The following RALGAPA1 variants were observed in gnomAD, a reference collection of about 807,000 sequenced individuals.
The protein encoded by RALGAPA1 is ral GTPase-activating protein subunit alpha-1.
RALGAPA1 carries 52 observed loss-of-function variants against 269.6 expected under a neutral mutation model. The observed-to-expected ratio is 0.19, with a 90% CI of 0.15 to 0.24. The LOEUF (loss-of-function observed/expected upper bound fraction) is 0.24, where lower values mean the gene tolerates loss of function less well. Among genes scored for constraint, RALGAPA1 ranks in the 10% least tolerant of loss-of-function variants. The pLI is 1.00. For missense variants in RALGAPA1, 1,917 were observed against 3,013.9 expected (o/e 0.64, Z 8.52); for synonymous variants, 817 against 1,008.3 (o/e 0.81, Z 3.60).
chr14:35,681,625 T>G (rs920561730), intron 21 of RALGAPA1, among the ~76,000 whole-genome samples: 1 of 152,236 alleles, frequency 6.6e-6, no homozygotes, highest in Admixed American at 6.5e-5. Context: ...TTTGATAGTA[T>G]TAAAATTTGT....
chr14:35,621,461 T>A (rs879492651), intron 35 of RALGAPA1, among the ~76,000 whole-genome samples: 1 of 152,102 alleles, frequency 6.6e-6, no homozygotes, highest in Non-Finnish European at 1.5e-5. Flanking sequence ...GCGCGAGGAC[T>A]TCATGACTAA....
chr14:35,666,216 A>C (rs758898245), intron 26 of RALGAPA1, among the ~76,000 whole-genome samples: 1 of 152,066 alleles, frequency 6.6e-6, no homozygotes, highest in Admixed American at 6.5e-5. Flanking sequence ...ATAAACAACA[A>C]GGGTCATCTA....
At chr14:35,626,944 A>T in intron 34 of RALGAPA1, 146 bp downstream of exon 34, 1 of 659,040 alleles carries the variant, frequency 1.5e-6, no homozygotes, top group Non-Finnish European at 2.3e-6. Context: ...CAGTGGTCTC[A>T]AAAAAAAATC....
At chr14:35,569,634 A>G (rs1470258888) in intron 39 of RALGAPA1, among the ~76,000 whole-genome samples, 3 of 152,008 alleles carry the variant, frequency 2.0e-5, no homozygotes, top group Non-Finnish European at 4.4e-5. Flanking sequence ...TCATACCTCC[A>G]TGTCTCTGAT....
At chr14:35,558,040 C>A (rs181881604) in intron 39 of RALGAPA1, among the ~76,000 whole-genome samples, 290 of 151,926 alleles carry the variant, frequency 1.9e-3, no homozygotes, top group African/African-American at 6.2e-3. Context: ...GCTGATAAAG[C>A]TGACCAAGAA....
At chr14:35,687,235 A>AT (rs1167929089) in intron 18 of RALGAPA1, among the ~76,000 whole-genome samples, 4 of 152,144 alleles carry the variant, frequency 2.6e-5, no homozygotes, top group Admixed American at 6.5e-5. Context: ...AGTTATTTTG[A>AT]TTTTTTTATC....
At chr14:35,713,437 C>T (rs1048292701) in intron 16 of RALGAPA1, among the ~76,000 whole-genome samples, 8 of 152,168 alleles carry the variant, frequency 5.3e-5, no homozygotes, top group African/African-American at 1.7e-4. Flanking sequence ...ATTAATAAAG[C>T]TACCCACTTC....
At chr14:35,806,894 T>A (rs2077419769) in intron 1 of RALGAPA1, among the ~76,000 whole-genome samples, 1 of 152,228 alleles carries the variant, frequency 6.6e-6, no homozygotes, top group African/African-American at 2.4e-5. Context: ...ACATTAACTG[T>A]ATTTCAAACA....
chr14:35,805,195 G>C (rs182242227), intron 1 of RALGAPA1, among the ~76,000 whole-genome samples: 1 of 151,670 alleles, frequency 6.6e-6, no homozygotes, highest in Non-Finnish European at 1.5e-5. Flanking sequence ...AGGCTGAGGC[G>C]GGGGGACTGC....
chr14:35,768,783 C>T (rs149181105), intron 4 of RALGAPA1, among the ~76,000 whole-genome samples: 13 of 151,544 alleles, frequency 8.6e-5, no homozygotes, highest in African/African-American at 2.9e-4. Flanking sequence ...CCGAGGTGGG[C>T]GGATCACCCG....
chr14:35,719,811 C>T (rs1248180526), intron 16 of RALGAPA1, among the ~76,000 whole-genome samples: 4 of 152,040 alleles, frequency 2.6e-5, no homozygotes, highest in African/African-American at 4.8e-5. Flanking sequence ...TCGCTCCAGG[C>T]TTGATCTCTG....
rs1053643046 is a variant in RALGAPA1, at chr14:35,689,202, T to C, written c.3209A>G (p.Glu1070Gly). 8.1e-7 allele frequency: 1 copy of C among 1,232,876 alleles called. No individual in the cohort carries two copies. The highest frequency in any genetic ancestry group is 1.0e-6 in the Non-Finnish European group (1 of 988,636). The allele number at this position is 1,232,876 out of a possible 1,614,324, so 76.4% of individuals were successfully genotyped here. The change falls in exon 18 of 42, where the codon GAA becomes GGA. Residue 1070 changes from glutamate to glycine, a missense_variant. Physicochemically the swap from Glu to Gly is moderately conservative, Grantham distance 98. Coordinates refer to ENST00000680220, the MANE Select transcript of RALGAPA1 (RefSeq NM_001346249.2). ...RKHLYRQAAT[E>G]LDACVDVTLV... Reference sequence around the variant, plus strand: ...TGTTACATCAACACAAGCATCTAATTCTGTGGCTGCTTGTCTGTACAGATG... The same window carrying C: ...TGTTACATCAACACAAGCATCTAATCCTGTGGCTGCTTGTCTGTACAGATG...
chr14:35,649,441 T>C (rs1170073437), intron 31 of RALGAPA1, among the ~76,000 whole-genome samples: 3 of 152,072 alleles, frequency 2.0e-5, no homozygotes, highest in Admixed American at 2.0e-4. Context: ...ACCACGTTCA[T>C]AGTGTGGCAT....
Position 35,808,855 on chromosome 14 carries a change from C to G in RALGAPA1, c.-20G>C, listed in dbSNP as rs1250904422. The G allele has an allele frequency of 1.2e-6, 2 of 1,600,596 alleles. No individual in the cohort carries two copies. ...GAACATCCTGTCGCTGCCACTGCCA[C>G]TGCCACTGCCACAGCCGGCTCCCAG... On this transcript the variant is annotated 5_prime_UTR_variant, in exon 1 of 42. Coordinates refer to ENST00000680220, the MANE Select transcript of RALGAPA1 (RefSeq NM_001346249.2).
At chr14:35,639,675 C>T (rs1043023525) in intron 31 of RALGAPA1, among the ~76,000 whole-genome samples, 5 of 152,106 alleles carry the variant, frequency 3.3e-5, no homozygotes, top group Admixed American at 6.6e-5. Flanking sequence ...TGCGGTGGCT[C>T]GTGCCTGTAA....
rs181745206 is a variant in RALGAPA1 at position 35,571,762 on chromosome 14, A to T, written c.7368+798T>A. Among the ~76,000 whole-genome samples, 238 of 152,332 alleles carry T rather than the reference A, an allele frequency of 1.6e-3. 3 individuals are homozygous for T. The highest frequency in any genetic ancestry group is 2.1e-4 in the Non-Finnish European group (14 of 68,024). ...TCTTTTTAAAAATGTAAAAAAACCCAAAACCAAAACCGAAATATTCTTAGC... is the reference window on the plus strand; with the variant it reads ...TCTTTTTAAAAATGTAAAAAAACCCTAAACCAAAACCGAAATATTCTTAGC... On this transcript the variant is annotated intron_variant, in intron 38 of 41. Transcript: ENST00000680220.
At chr14:35,691,310 C>T (rs183415814) in intron 17 of RALGAPA1, among the ~76,000 whole-genome samples, 82 of 151,982 alleles carry the variant, frequency 5.4e-4, no homozygotes, top group African/African-American at 1.9e-3. Flanking sequence ...AAATTCTCAA[C>T]AGGAATTGTG....
At chr14:35,558,629 A>C (rs1443910126) in intron 39 of RALGAPA1, among the ~76,000 whole-genome samples, 1 of 152,202 alleles carries the variant, frequency 6.6e-6, no homozygotes, top group Non-Finnish European at 1.5e-5. Context: ...CATTCTTAGC[A>C]AGAGAGTAAG....
At chr14:35,710,986 G>A (rs1002723354) in intron 16 of RALGAPA1, among the ~76,000 whole-genome samples, 2 of 152,208 alleles carry the variant, frequency 1.3e-5, no homozygotes, top group Admixed American at 1.3e-4. Context: ...TCCTACTGAT[G>A]TATGTCTCAG....
Sources: allele counts gnomAD v4.1 joint callset (sites outside exome capture counted in the v4.1 genomes callset), GRCh38; gene constraint gnomAD v4.1.1; transcripts MANE v1.5; gene names NCBI Gene and HGNC (gene_info 2026-07-23, HGNC 2026-07-21).